MPRIP: variants seen among roughly 807,000 people sequenced by gnomAD.
MPRIP encodes myosin phosphatase Rho interacting protein, also known as myosin phosphatase Rho-interacting protein.
A neutral mutation model predicts 234.9 loss-of-function variants in MPRIP; 59 were observed. The ratio of observed to expected loss-of-function variants is 0.25; its 90% CI spans 0.20 to 0.31. The LOEUF (loss-of-function observed/expected upper bound fraction) is 0.31, where lower values mean the gene tolerates loss of function less well. Among genes scored for constraint, MPRIP ranks in the 10% least tolerant of loss-of-function variants. The pLI, the probability that MPRIP is intolerant of heterozygous loss-of-function variation, is 1.00. For missense variants in MPRIP, 2,436 were observed against 3,071.0 expected, an observed-to-expected ratio of 0.79 and a Z score of 4.89; for synonymous variants, 1,144 against 1,263.9, an observed-to-expected ratio of 0.91 and a Z score of 2.01.
chr17:17,071,798 G>C (rs1033052902), intron 1 of MPRIP, among the ~76,000 whole-genome samples: 1 of 152,186 alleles, frequency 6.6e-6, no homozygotes, highest in Non-Finnish European at 1.5e-5. Flanking sequence ...GACCTGCATA[G>C]AAAGGGGCCC....
intron 1 of MPRIP, among the ~76,000 whole-genome samples, chr17:17,058,726 A>G (rs571344197): frequency 1.8e-4 from 28 of 152,340 alleles, no homozygotes; most frequent in African/African-American, 6.5e-4. Flanking sequence ...GATGGACCAT[A>G]TGTAACACAG....
intron 3 of MPRIP, among the ~76,000 whole-genome samples, chr17:17,109,660 C>G (rs1429804675): frequency 6.6e-6 from 1 of 152,146 alleles, no homozygotes; most frequent in South Asian, 2.1e-4. Flanking sequence ...CTGTGAGACC[C>G]GCGAAACAAT....
chr17:17,166,335 T>G lies in MPRIP; in HGVS notation c.4744T>G (p.Ser1582Ala). 8 of 1,304,596 alleles carry G rather than the reference T, an allele frequency of 6.1e-6. No individual in the cohort carries two copies. Among genetic ancestry groups the G allele is most frequent in the Non-Finnish European group, 7.1e-6 (7 of 989,044 alleles). 80.8% of individuals were successfully genotyped at this position (1,304,596 alleles called of 1,614,324 possible). A position where few individuals can be genotyped will look rare whatever the true frequency, so the allele number is the denominator to read the frequency against. Residue 1582 changes from serine (S) to alanine (A), a missense_variant, in exon 16 of 24, where the codon TCC becomes GCC. Around this residue, in one of 4 missense-constraint regions of MPRIP, gnomAD observed 1,998 missense variants for 2,520.3 expected, o/e 0.79. Transcript: ENST00000651222. The surrounding 1 kb of genome is among the most constrained non-coding windows in gnomAD (Gnocchi z 4.4). The stretch of plus-strand genomic sequence containing the variant: ...CTCGCTGATCAGCCAGATAGCAGAT[T>G]CCCTGAAGAACACAACATCAGATGT... ...EASLISQIAD[S>A]LKNTTSDVSR...
rs1184513006 is a variant in MPRIP at position 17,062,807 on chromosome 17, GTT to G, written c.124-12901_124-12900del. ...CTCTTCCCACATCAGGAATGAGACT[GTT>G]TGCTTCTCTCTTTGTGAGTTCTTCA... is the stretch of plus-strand genomic sequence containing the variant. On this transcript the variant is annotated intron_variant, in intron 1 of 23. Transcript: ENST00000651222. 7.2e-5 allele frequency among the ~76,000 whole-genome samples: 11 copies of G among 152,354 alleles called. No homozygotes were observed. In the East Asian group the frequency reaches 2.1e-3, roughly 29 times the overall value.
At chr17:17,061,399 AGT>A (rs113198972) in intron 1 of MPRIP, among the ~76,000 whole-genome samples, 5 of 152,258 alleles carry the variant, frequency 3.3e-5, no homozygotes, top group African/African-American at 9.6e-5. Context: ...ATTTGCTGTG[AGT>A]GTGGAAGTGT....
chr17:17,158,138 A>AC (rs1003913560), intron 13 of MPRIP, among the ~76,000 whole-genome samples: 43 of 151,056 alleles, frequency 2.8e-4, no homozygotes, highest in Admixed American at 4.6e-4. Context: ...CAGTCAAGGG[A>AC]CCCCCCCAGT....
At chr17:17,151,156 T>A (rs910764382) in intron 12 of MPRIP, among the ~76,000 whole-genome samples, 2 of 152,112 alleles carry the variant, frequency 1.3e-5, no homozygotes, top group African/African-American at 4.8e-5. Context: ...TAGGCATGAA[T>A]CACTGTGCCC....
intron 1 of MPRIP, among the ~76,000 whole-genome samples, chr17:17,059,001 C>T (rs1368988352): frequency 6.6e-6 from 1 of 152,098 alleles, no homozygotes; most frequent in Non-Finnish European, 1.5e-5. Context: ...TATTGAGGCC[C>T]TCAGAACGCT....
chr17:17,125,672 C>T (rs1044056584), intron 3 of MPRIP, among the ~76,000 whole-genome samples: 1 of 152,246 alleles, frequency 6.6e-6, no homozygotes, highest in Non-Finnish European at 1.5e-5. Flanking sequence ...CAGCATCCTG[C>T]TCTTGAGACC....
At chr17:17,083,166 A>C (rs2089505719) in intron 3 of MPRIP, among the ~76,000 whole-genome samples, 1 of 152,194 alleles carries the variant, frequency 6.6e-6, no homozygotes, top group African/African-American at 2.4e-5. Context: ...AAGGACTCAT[A>C]ATCTCAGCTC....
In MPRIP at chr17:17,137,922, G is replaced by A. The variant is rs773136507; in HGVS notation, c.743G>A (p.Ser248Asn). Residue 248 changes from serine to asparagine, a missense_variant, in exon 7 of 24, where the codon AGC becomes AAC. Coordinates refer to ENST00000651222, the MANE Select transcript of MPRIP (RefSeq NM_001364716.4). ...EPGLESKEEESAMSSDRMDCG... is the reference protein window; with the variant it reads ...EPGLESKEEENAMSSDRMDCG... ...CTCCCACTGTCTCTTCCAGAGGAGA[G>A]CGCCATGAGTAGCGACCGCATGGAC... 7.5e-6 allele frequency: 12 copies of A among 1,603,332 alleles called. No individual in the cohort carries two copies. The highest frequency in any genetic ancestry group is 1.7e-6 in the Non-Finnish European group (2 of 1,175,044).
At chr17:17,070,501 C>G (rs1045163574) in intron 1 of MPRIP, among the ~76,000 whole-genome samples, 4 of 152,178 alleles carry the variant, frequency 2.6e-5, no homozygotes, top group African/African-American at 9.7e-5. Context: ...GTTCTGTGTT[C>G]CAGTTCACTG....
intron 1 of MPRIP, among the ~76,000 whole-genome samples, chr17:17,048,826 C>A: frequency 6.6e-6 from 1 of 152,208 alleles, no homozygotes; most frequent in Non-Finnish European, 1.5e-5. Flanking sequence ...ATTCCCACTT[C>A]TAGGTATATG....
chr17:17,144,727 G>A (rs1597456650), intron 9 of MPRIP, among the ~76,000 whole-genome samples: 1 of 152,178 alleles, frequency 6.6e-6, no homozygotes, highest in Non-Finnish European at 1.5e-5. Flanking sequence ...GTGGTGTCGC[G>A]CTCCTGTAGT....
chr17:17,080,951 C>T (rs1189947813), intron 3 of MPRIP, among the ~76,000 whole-genome samples: 1 of 149,072 alleles, frequency 6.7e-6, no homozygotes, highest in Non-Finnish European at 1.5e-5. Flanking sequence ...TGCAGAACTG[C>T]TTGTGTGTGT....
In MPRIP at chr17:17,158,781, G is replaced by C. The variant is rs2045794540; in HGVS notation, c.2179G>C (p.Asp727His). ...CGCCACAGACGGGCCAGGCACTGAG[G>C]ATGCAGCCCTGCGCATGGAGGTGGA... is the stretch of plus-strand genomic sequence containing the variant. Reference protein sequence around the residue: ...LDATDGPGTEDAALRMEVDRS... With the variant: ...LDATDGPGTEHAALRMEVDRS... Residue 727 changes from aspartate to histidine, a missense_variant, in exon 14 of 24, where the codon GAT (aspartate) becomes CAT (histidine). Transcript: ENST00000651222. 6.2e-7 allele frequency: 1 copy of C among 1,611,734 alleles called. No homozygotes were observed. Among genetic ancestry groups the C allele is most frequent in the Non-Finnish European group, 8.5e-7 (1 of 1,179,894 alleles).
Position 17,188,190 on chromosome 17 carries a change from T to C in MPRIP, c.*3296T>C, listed in dbSNP as rs1027662385. The C allele has an allele frequency of 4.6e-5, 7 of 152,384 alleles. No individual in the cohort carries two copies. The highest frequency in any genetic ancestry group is 3.3e-4 in the Admixed American group (5 of 15,298). The allele number at this position is 152,384 out of a possible 1,614,324, so 9.4% of individuals were successfully genotyped here. On this transcript the variant is annotated 3_prime_UTR_variant, in exon 24 of 24. Transcript: ENST00000651222. ...CAGCCTCCCGGGTCTGAGTGGATCATTGGGCAGGGGTGGAGACAGTGCGCT... is the reference window on the plus strand; with the variant it reads ...CAGCCTCCCGGGTCTGAGTGGATCACTGGGCAGGGGTGGAGACAGTGCGCT...
intron 18 of MPRIP, among the ~76,000 whole-genome samples, chr17:17,173,585 T>G (rs779933429): frequency 1.4e-4 from 22 of 152,340 alleles, no homozygotes; most frequent in South Asian, 4.1e-4. Context: ...CACAGATGGC[T>G]TCAAAAGTGG....
rs902943353 is a variant in MPRIP at position 17,165,794 on chromosome 17, C to T, written c.4203C>T (p.Thr1401=). 4 of 1,304,390 alleles carry T rather than the reference C, an allele frequency of 3.1e-6. No individual in the cohort carries two copies. The highest frequency in any genetic ancestry group is 5.5e-5 in the East Asian group (1 of 18,036). The allele number at this position is 1,304,390 out of a possible 1,614,324, so 80.8% of individuals were successfully genotyped here. ...CAGAGGAAAAGCTCAAAGACGTGAC[C>T]GTGAGGCTGGAGAGCCAGCAGGGTC... ...YVTEEKLKDV[T]VRLESQQGQS... is the part of the protein sequence containing the mutation. Residue 1401 remains threonine, a synonymous_variant, in exon 16 of 24, where the codon ACC becomes ACT. Coordinates refer to ENST00000651222, the MANE Select transcript of MPRIP (RefSeq NM_001364716.4).
Sources: gnomAD v4.1 joint callset for allele counts (sites outside exome capture counted in the v4.1 genomes callset) on GRCh38, gnomAD v4.1.1 for gene constraint, gnomAD v4.1.1 regional missense constraint, Gnocchi (gnomAD v3.1) non-coding constraint, MANE v1.5 for transcripts, NCBI Gene and HGNC (gene_info 2026-07-23, HGNC 2026-07-21) for gene names.